The following SLC9B1 variants were observed in gnomAD, a reference collection of about 807,000 sequenced individuals.
The protein encoded by SLC9B1 is sodium/hydrogen exchanger 9B1.
SLC9B1 carries 32 observed loss-of-function variants against 51.7 expected under a neutral mutation model. The ratio of observed to expected loss-of-function variants is 0.62; its 90% CI spans 0.47 to 0.83. SLC9B1 has a LOEUF of 0.83. Ranked by LOEUF, SLC9B1 falls within the 40% of genes least tolerant of loss-of-function variation. The probability of loss-of-function intolerance (pLI) is 0.00; values close to 1 mark genes in which losing one functional copy is unlikely to be tolerated. For missense variants in SLC9B1, 406 were observed against 613.2 expected, an observed-to-expected ratio of 0.66 and a Z score of 3.57; for synonymous variants, 145 against 212.7, an observed-to-expected ratio of 0.68 and a Z score of 2.77.
At chr4:102,971,039 A>C (rs1275164727) in intron 3 of SLC9B1, among the ~76,000 whole-genome samples, 6 of 152,126 alleles carry the variant, frequency 3.9e-5, no homozygotes, top group Admixed American at 3.9e-4. Context: ...AATAATAATG[A>C]GAGACTTTAA....
chr4:102,922,937 G>T (rs1226372209), intron 7 of SLC9B1, among the ~76,000 whole-genome samples: 11 of 151,910 alleles, frequency 7.2e-5, no homozygotes, highest in Admixed American at 7.2e-4. Flanking sequence ...CAAAAAAAAA[G>T]TCCAGGACCA....
At chr4:102,923,748 C>T (rs1043703648) in intron 7 of SLC9B1, among the ~76,000 whole-genome samples, 2 of 152,126 alleles carry the variant, frequency 1.3e-5, no homozygotes, top group African/African-American at 4.8e-5. Context: ...AAATCACAAG[C>T]ATTCTTATAC....
intron 3 of SLC9B1, among the ~76,000 whole-genome samples, chr4:102,961,275 G>C (rs529033080): frequency 6.6e-6 from 1 of 152,250 alleles, no homozygotes; most frequent in Non-Finnish European, 1.5e-5. Flanking sequence ...TTTTATGAAA[G>C]TAATAGAAGA....
Position 102,984,368 on chromosome 4 carries a change from G to A in SLC9B1, c.211+5432C>T, listed in dbSNP as rs999773259. 4.6e-5 allele frequency among the ~76,000 whole-genome samples: 7 copies of A among 152,136 alleles called. No individual in the cohort carries two copies. The South Asian group carries it at 1.0e-3, about 23-fold the overall frequency. ...TGAGCTCAAGTAATCTGCCTGCCTC[G>A]GCCTAGCAGAGTACTGGGATTACAG... On this transcript the variant is annotated intron_variant, in intron 3 of 11. Transcript: ENST00000296422.
intron 3 of SLC9B1, among the ~76,000 whole-genome samples, chr4:102,956,175 CA>C (rs1305717816): frequency 2.0e-5 from 3 of 152,158 alleles, no homozygotes; most frequent in Non-Finnish European, 2.9e-5. Flanking sequence ...AAGAGAAACA[CA>C]TCCTTGTAAC....
chr4:102,973,668 A>G (rs1253296328), intron 3 of SLC9B1, among the ~76,000 whole-genome samples: 1 of 152,212 alleles, frequency 6.6e-6, no homozygotes, highest in Non-Finnish European at 1.5e-5. Context: ...CAAACATTAT[A>G]ACATGTGGCT....
intron 6 of SLC9B1, among the ~76,000 whole-genome samples, chr4:102,938,267 A>T (rs1257546075): frequency 1.3e-5 from 2 of 152,194 alleles, no homozygotes; most frequent in East Asian, 3.8e-4. Context: ...AACAATCAAA[A>T]AGACAAAGAA....
At chr4:102,968,617 T>C (rs954822460) in intron 3 of SLC9B1, among the ~76,000 whole-genome samples, 8 of 152,242 alleles carry the variant, frequency 5.3e-5, no homozygotes, top group Admixed American at 2.6e-4. Flanking sequence ...ACAACTGACG[T>C]AGAAGACAGG....
rs28424249 is a variant in SLC9B1 at position 102,944,001 on chromosome 4, C to T, written c.653+1192G>A. On this transcript the variant is annotated intron_variant, in intron 6 of 11. Transcript: ENST00000296422. ...ATCTCAGGGTTAGAGCATCAGACTGCGGACCAAGAAAATGTGGCACATATA... is the reference window on the plus strand; with the variant it reads ...ATCTCAGGGTTAGAGCATCAGACTGTGGACCAAGAAAATGTGGCACATATA... Among the ~76,000 whole-genome samples, 886 of 152,122 alleles carry T rather than the reference C, an allele frequency of 5.8e-3. 6 individuals are homozygous for T. The highest frequency in any genetic ancestry group is 0.01 in the Non-Finnish European group (684 of 67,968).
intron 3 of SLC9B1, among the ~76,000 whole-genome samples, chr4:102,957,014 A>G (rs1189477783): frequency 6.6e-6 from 1 of 152,196 alleles, no homozygotes; most frequent in African/African-American, 2.4e-5. Flanking sequence ...TAGAATCGAA[A>G]AGTACAACAG....
chr4:103,009,268 C>A (rs551840335), intron 1 of SLC9B1, among the ~76,000 whole-genome samples: 1 of 152,298 alleles, frequency 6.6e-6, no homozygotes, highest in East Asian at 1.9e-4. Context: ...TGTCCATACA[C>A]AATACTATGG....
chr4:102,945,945 A>C (rs1737244464), intron 5 of SLC9B1, among the ~76,000 whole-genome samples: 1 of 152,054 alleles, frequency 6.6e-6, no homozygotes, highest in Non-Finnish European at 1.5e-5. Flanking sequence ...TATTTTAAGA[A>C]ATGCTTTAAA....
intron 11 of SLC9B1, among the ~76,000 whole-genome samples, chr4:102,905,061 A>G (rs954102789): frequency 6.6e-6 from 1 of 151,600 alleles, no homozygotes; most frequent in African/African-American, 2.4e-5. Context: ...GGCTGATGTG[A>G]GAGAATTGTT....
At chr4:102,972,110 A>G (rs1209155129) in intron 3 of SLC9B1, among the ~76,000 whole-genome samples, 1 of 152,224 alleles carries the variant, frequency 6.6e-6, no homozygotes, top group East Asian at 1.9e-4. Flanking sequence ...CAATCAATAT[A>G]AAAACAGGGA....
At chr4:102,998,796 T>G (rs1222347025) in intron 1 of SLC9B1, among the ~76,000 whole-genome samples, 1 of 152,200 alleles carries the variant, frequency 6.6e-6, no homozygotes, top group Non-Finnish European at 1.5e-5. Context: ...TTGAGTATCT[T>G]TTCATGTGCT....
intron 1 of SLC9B1, among the ~76,000 whole-genome samples, chr4:102,993,988 C>T (rs996795850): frequency 6.6e-6 from 1 of 152,110 alleles, no homozygotes; most frequent in African/African-American, 2.4e-5. Flanking sequence ...AGCCATTTTT[C>T]CCTCCTAGGT....
At chr4:102,899,885 C>G (rs1734709306), downstream of SLC9B1, among the ~76,000 whole-genome samples, 1 of 152,000 alleles carries the variant, frequency 6.6e-6, no homozygotes. Flanking sequence ...AAAATAGTAG[C>G]TATTTTATCT....
chr4:102,896,556 C>A (rs1221227359), downstream of SLC9B1, among the ~76,000 whole-genome samples: 1 of 152,160 alleles, frequency 6.6e-6, no homozygotes, highest in Non-Finnish European at 1.5e-5. Flanking sequence ...ACTGCACAAA[C>A]TTCCCGAGGC....
intron 3 of SLC9B1, chr4:102,962,902 A>C (rs1738214627): frequency 4.3e-6 from 2 of 468,690 alleles, no homozygotes; most frequent in Admixed American, 2.3e-5. Flanking sequence ...TTGGTTACAA[A>C]AGGTTCCTGC....
Sources: allele counts gnomAD v4.1 joint callset (sites outside exome capture counted in the v4.1 genomes callset), GRCh38; gene constraint gnomAD v4.1.1; transcripts MANE v1.5; gene names NCBI Gene and HGNC (gene_info 2026-07-23, HGNC 2026-07-21).